RPH3A: variants seen among roughly 807,000 people sequenced by gnomAD.
RPH3A encodes the protein rabphilin 3A.
A neutral mutation model predicts 102.2 loss-of-function variants in RPH3A; 48 were observed. That is an observed-to-expected ratio of 0.47 (90% CI 0.37 to 0.60). RPH3A has a LOEUF of 0.60. Ranked by LOEUF, RPH3A falls within the 20% of genes least tolerant of loss-of-function variation. The pLI is 0.00. For missense variants in RPH3A, 781 were observed against 910.1 expected (o/e 0.86, Z 1.83); for synonymous variants, 310 against 324.3 (o/e 0.96, Z 0.47).
At chr12:112,721,735 A>C (rs1189096213) in intron 1 of RPH3A, among the ~76,000 whole-genome samples, 1 of 151,602 alleles carries the variant, frequency 6.6e-6, no homozygotes, top group African/African-American at 2.4e-5. Flanking sequence ...ATTGGAACCT[A>C]CTGTAGCAAT....
intron 5 of RPH3A, among the ~76,000 whole-genome samples, chr12:112,852,060 G>A (rs774618790): frequency 5.3e-5 from 8 of 152,190 alleles, no homozygotes; most frequent in African/African-American, 1.7e-4. Context: ...TTCAGGGGAC[G>A]TGGGCTAGGT....
rs759094475 is a variant in RPH3A at position 112,868,611 on chromosome 12, T to C, written c.610+16T>C. 2.5e-6 allele frequency: 4 copies of C among 1,611,478 alleles called. No individual in the cohort carries two copies. In the South Asian group the frequency reaches 3.3e-5, roughly 13 times the overall value. ...CCAGCTCGAGGTAGGACAAAACAGG[T>C]GCTTCTTTCAGGACCAAGGACAGAT... On this transcript the variant is annotated intron_variant, in intron 8 of 21. Transcript: ENST00000389385.
chr12:112,725,548 C>T (rs2136044972), intron 1 of RPH3A, among the ~76,000 whole-genome samples: 1 of 152,198 alleles, frequency 6.6e-6, no homozygotes, highest in East Asian at 1.9e-4. Context: ...AGTAACATCT[C>T]CTCGATTAGC....
At chr12:112,848,140 T>G (rs541005273) in intron 5 of RPH3A, among the ~76,000 whole-genome samples, 56 of 151,808 alleles carry the variant, frequency 3.7e-4, no homozygotes, top group African/African-American at 1.3e-3. Flanking sequence ...AGGGGTCTTG[T>G]GATAGGGAAA....
chr12:112,683,756 A>G (rs1365736963), intron 1 of RPH3A, among the ~76,000 whole-genome samples: 2 of 151,600 alleles, frequency 1.3e-5, no homozygotes, highest in African/African-American at 2.4e-5. Context: ...TAAATCTTCA[A>G]CTCTTCAGGA....
intron 15 of RPH3A, 115 bp downstream of exon 15, chr12:112,881,961 C>T (rs976794763): frequency 3.3e-5 from 23 of 704,358 alleles, no homozygotes; most frequent in African/African-American, 9.0e-5. Flanking sequence ...CCAACCCCAC[C>T]TCATCCTGTG....
At chr12:112,833,997 G>T (rs1031119502) in intron 3 of RPH3A, among the ~76,000 whole-genome samples, 1 of 152,012 alleles carries the variant, frequency 6.6e-6, no homozygotes, top group Non-Finnish European at 1.5e-5. Context: ...CAAAATGCTG[G>T]AATTAATGGC....
chr12:112,586,717 C>T (rs906355790), intron 1 of RPH3A, among the ~76,000 whole-genome samples: 5 of 152,174 alleles, frequency 3.3e-5, no homozygotes, highest in Admixed American at 6.5e-5. Flanking sequence ...ATCTTCCCAA[C>T]GATCTTATGA....
At chr12:112,602,886 A>C (rs2039569182) in intron 1 of RPH3A, among the ~76,000 whole-genome samples, 1 of 152,178 alleles carries the variant, frequency 6.6e-6, no homozygotes, top group Non-Finnish European at 1.5e-5. Flanking sequence ...CCTACAGCAA[A>C]AGACAGATTA....
At chr12:112,626,896 C>A (rs2039770316) in intron 1 of RPH3A, among the ~76,000 whole-genome samples, 1 of 68,570 alleles carries the variant, frequency 1.5e-5, no homozygotes, top group Admixed American at 1.8e-4. Flanking sequence ...ATGATGAGTT[C>A]ATGTCCTTTG....
At chr12:112,820,879 T>C (rs1010355057) in intron 2 of RPH3A, among the ~76,000 whole-genome samples, 1 of 152,208 alleles carries the variant, frequency 6.6e-6, no homozygotes, top group Non-Finnish European at 1.5e-5. Context: ...GTGAGTTTGC[T>C]TTGTTGTTTC....
chr12:112,830,167 A>G (rs576090366), intron 3 of RPH3A, among the ~76,000 whole-genome samples: 55 of 152,246 alleles, frequency 3.6e-4, no homozygotes, highest in South Asian at 8.3e-4. Context: ...ATTAGTAATT[A>G]TAAATGTGAT....
chr12:112,841,173 T>TAAAAAAAAAAAAAAAAA lies in RPH3A; in HGVS notation c.83+4676_83+4692dup, dbSNP rs11447068. Among the ~76,000 whole-genome samples the TAAAAAAAAAAAAAAAAA allele has an allele frequency of 9.0e-4, 30 of 33,340 alleles. 1 individual carries two copies. Among genetic ancestry groups the TAAAAAAAAAAAAAAAAA allele is most frequent in the African/African-American group, 1.9e-3 (14 of 7,206 alleles). The allele number at this position is 33,340 out of a possible 152,430, so 21.9% of individuals were successfully genotyped here. A position where few individuals can be genotyped will look rare whatever the true frequency, so the allele number is the denominator to read the frequency against. On this transcript the variant is annotated intron_variant, in intron 4 of 21. Coordinates refer to ENST00000389385, the MANE Select transcript of RPH3A (RefSeq NM_001143854.2). ...GGCAACATAACAAGACCTTGTTTCT[T>TAAAAAAAAAAAAAAAAA]AAAAAAAAAAAAAAAAAAAAAGCCT...
At chr12:112,845,391 C>G (rs2042213059) in intron 4 of RPH3A, among the ~76,000 whole-genome samples, 1 of 152,184 alleles carries the variant, frequency 6.6e-6, no homozygotes, top group African/African-American at 2.4e-5. Context: ...AGCTTATATA[C>G]TTAAGGGGCC....
intron 1 of RPH3A, among the ~76,000 whole-genome samples, chr12:112,656,621 G>A (rs1222117987): frequency 1.3e-5 from 2 of 151,910 alleles, no homozygotes; most frequent in Non-Finnish European, 2.9e-5. Context: ...CCCTCTATAT[G>A]TCCATTTGTA....
At chr12:112,729,764 C>T (rs186536888) in intron 1 of RPH3A, among the ~76,000 whole-genome samples, 44 of 152,346 alleles carry the variant, frequency 2.9e-4, no homozygotes, top group Admixed American at 5.2e-4. Context: ...CTGCTACTCA[C>T]ATCCTGCATG....
chr12:112,756,912 T>C (rs935021304), intron 1 of RPH3A, among the ~76,000 whole-genome samples: 2 of 152,214 alleles, frequency 1.3e-5, no homozygotes, highest in Non-Finnish European at 1.5e-5. Context: ...TATTAACCTT[T>C]CCAATTTTTG....
Position 112,738,837 on chromosome 12 carries a change from AG to A in RPH3A, c.-139-53304del, listed in dbSNP as rs150421820. Among the ~76,000 whole-genome samples, 356 of 152,310 alleles carry A rather than the reference AG, an allele frequency of 2.3e-3. 2 individuals are homozygous for A. The highest frequency in any genetic ancestry group is 8.4e-3 in the African/African-American group (347 of 41,556). On this transcript the variant is annotated intron_variant, in intron 1 of 21. Coordinates refer to the RPH3A transcript ENST00000543106. ...ATTTCCCTTTTGCCTTCCAAACCAA[AG>A]GCTCATCATAACAGATCTGCAAGCC...
At chr12:112,648,614 A>G (rs1307298931) in intron 1 of RPH3A, among the ~76,000 whole-genome samples, 1 of 135,990 alleles carries the variant, frequency 7.4e-6, no homozygotes, top group South Asian at 2.4e-4. Flanking sequence ...GTGTTGTGGC[A>G]CATGTCTGTA....
Sources: gnomAD v4.1 joint callset for allele counts (sites outside exome capture counted in the v4.1 genomes callset) on GRCh38, gnomAD v4.1.1 for gene constraint, MANE v1.5 for transcripts, NCBI Gene and HGNC (gene_info 2026-07-23, HGNC 2026-07-21) for gene names.